Variants in DPF3 observed in about 807,000 individuals in gnomAD.
DPF3 encodes the protein double PHD fingers 3.
DPF3 carries 18 observed loss-of-function variants against 56.8 expected under a neutral mutation model. The ratio of observed to expected loss-of-function variants is 0.32; its 90% CI spans 0.22 to 0.47. DPF3 has a LOEUF of 0.47. Among genes scored for constraint, DPF3 ranks in the 20% least tolerant of loss-of-function variants. DPF3 has a pLI of 1.00. For missense variants in DPF3, 403 were observed against 488.8 expected, an observed-to-expected ratio of 0.82 and a Z score of 1.65; for synonymous variants, 188 against 180.2, an observed-to-expected ratio of 1.04 and a Z score of -0.35.
intron 8 of DPF3, among the ~76,000 whole-genome samples, chr14:72,650,746 GA>G (rs1885884350): frequency 6.6e-6 from 1 of 152,162 alleles, no homozygotes; most frequent in Non-Finnish European, 1.5e-5. Flanking sequence ...TAGGGGGTCA[GA>G]AGGAGTCACA....
chr14:72,817,586 A>G (rs1354861646), intron 1 of DPF3, among the ~76,000 whole-genome samples: 1 of 152,212 alleles, frequency 6.6e-6, no homozygotes, highest in East Asian at 1.9e-4. Flanking sequence ...AGGCAGGAGA[A>G]TTGCTTGAAC....
At chr14:72,793,612 A>C (rs1167152505) in intron 1 of DPF3, among the ~76,000 whole-genome samples, 1 of 152,180 alleles carries the variant, frequency 6.6e-6, no homozygotes, top group Non-Finnish European at 1.5e-5. Context: ...ACAAGCCGGC[A>C]TCCAACATCC....
At chr14:72,824,061 GA>G (rs1312075741) in intron 1 of DPF3, among the ~76,000 whole-genome samples, 1 of 152,138 alleles carries the variant, frequency 6.6e-6, no homozygotes, top group Non-Finnish European at 1.5e-5. Flanking sequence ...GAGAGGCAAA[GA>G]AATATCTTCT....
rs1259512020 is a variant in DPF3 at position 72,767,332 on chromosome 14, AC to A, written c.193+4400del. On this transcript the variant is annotated intron_variant, in intron 2 of 10. Transcript: ENST00000556509. The stretch of plus-strand genomic sequence containing the variant: ...AGACACAGACACCAACAAGAAAATA[AC>A]AAAAATGTTAGAATTATCTGACAAG... 3.3e-5 allele frequency among the ~76,000 whole-genome samples: 5 copies of A among 152,380 alleles called. No homozygotes were observed. In the East Asian group the frequency reaches 9.6e-4, roughly 29 times the overall value.
intron 1 of DPF3, among the ~76,000 whole-genome samples, chr14:72,871,286 T>A (rs1328185516): frequency 2.0e-5 from 3 of 152,204 alleles, no homozygotes; most frequent in Non-Finnish European, 4.4e-5. Context: ...TGTCCTCACA[T>A]TTCAAAACCA....
At chr14:72,787,653 C>T (rs1046870523) in intron 1 of DPF3, among the ~76,000 whole-genome samples, 1 of 152,196 alleles carries the variant, frequency 6.6e-6, no homozygotes, top group Admixed American at 6.5e-5. Flanking sequence ...ACACTTTTCC[C>T]TCTCAAAAGC....
At chr14:72,815,951 G>A (rs1883263485) in intron 1 of DPF3, among the ~76,000 whole-genome samples, 1 of 152,164 alleles carries the variant, frequency 6.6e-6, no homozygotes, top group Non-Finnish European at 1.5e-5. Flanking sequence ...AGCAAGTATG[G>A]GAAACATATA....
intron 7 of DPF3, among the ~76,000 whole-genome samples, chr14:72,676,391 A>G (rs1869579132): frequency 6.6e-6 from 1 of 152,206 alleles, no homozygotes; most frequent in Admixed American, 6.5e-5. Context: ...CCCATTCACA[A>G]GATCTTTAAG....
intron 6 of DPF3, among the ~76,000 whole-genome samples, chr14:72,702,346 G>A (rs767165786): frequency 1.5e-4 from 23 of 152,104 alleles, no homozygotes; most frequent in Non-Finnish European, 2.6e-4. Context: ...CTGTATAGGG[G>A]CCCACCTCCA....
chr14:72,767,734 A>G (rs1891345239), intron 2 of DPF3, among the ~76,000 whole-genome samples: 1 of 137,060 alleles, frequency 7.3e-6, no homozygotes, highest in Non-Finnish European at 1.6e-5. Flanking sequence ...TCAAAGAAAT[A>G]ATGGCTGAAA....
At chr14:72,674,055 C>T in intron 8 of DPF3, 185 bp downstream of exon 8, 1 of 860,592 alleles carries the variant, frequency 1.2e-6, no homozygotes. Context: ...GATCCTAGGG[C>T]ATAACTTTTG....
chr14:72,757,067 GAGGA>G lies in DPF3; in HGVS notation c.194-3700_194-3697del, dbSNP rs112770433. Among the ~76,000 whole-genome samples the G allele has an allele frequency of 8.3e-3, 950 of 115,070 alleles. 19 individuals are homozygous for G. The highest frequency in any genetic ancestry group is 0.033 in the African/African-American group (867 of 26,622). The allele number at this position is 115,070 out of a possible 152,430, so 75.5% of individuals were successfully genotyped here. ...AGGGACAGAGGGGGAGAAAGGGGGA[GAGGA>G]AGGAAGGAAGGAAGGAAGGGAGGAA... On this transcript the variant is annotated intron_variant, in intron 2 of 10. Transcript: ENST00000556509.
At chr14:72,858,814 C>T (rs1440367503) in intron 1 of DPF3, among the ~76,000 whole-genome samples, 2 of 152,142 alleles carry the variant, frequency 1.3e-5, no homozygotes, top group East Asian at 1.9e-4. Context: ...AAATTATGTT[C>T]GTCCAATGGA....
At chr14:72,723,373 C>T (rs1399154267) in intron 5 of DPF3, among the ~76,000 whole-genome samples, 1 of 152,148 alleles carries the variant, frequency 6.6e-6, no homozygotes, top group African/African-American at 2.4e-5. Context: ...CCACCCTCAC[C>T]CTGATCCCAC....
At chr14:72,685,857 G>C (rs1003340777) in intron 7 of DPF3, among the ~76,000 whole-genome samples, 3 of 152,222 alleles carry the variant, frequency 2.0e-5, no homozygotes, top group Admixed American at 6.5e-5. Context: ...TTCAGAGACA[G>C]CCAAGAGACA....
chr14:72,877,122 G>T (rs969054988), intron 1 of DPF3, among the ~76,000 whole-genome samples: 1 of 152,236 alleles, frequency 6.6e-6, no homozygotes, highest in Admixed American at 6.5e-5. Flanking sequence ...GGCTGGAGGT[G>T]CAAACTCAGG....
intron 1 of DPF3, among the ~76,000 whole-genome samples, chr14:72,835,798 T>C (rs967456937): frequency 2.0e-5 from 3 of 152,158 alleles, no homozygotes; most frequent in African/African-American, 7.2e-5. Flanking sequence ...AACTATGACT[T>C]GACCCGCAGC....
At position 72,680,054 on chromosome 14, in the gene DPF3, C is replaced by T. The variant is rs916670488; in HGVS notation, c.743-5686G>A. On this transcript the variant is annotated intron_variant, in intron 7 of 10. Coordinates refer to ENST00000556509, the MANE Select transcript of DPF3 (RefSeq NM_001280542.3). ...GGAGAGGCGGGCTGGGGAGACAAGG[C>T]GCCTGCGAGGAGCTCCGGCAGGCCC... Among the ~76,000 whole-genome samples the T allele has an allele frequency of 5.9e-5, 9 of 152,188 alleles. 1 individual carries two copies. Among genetic ancestry groups the T allele is most frequent in the East Asian group, 3.9e-4 (2 of 5,164 alleles).
chr14:72,724,318 T>C (rs1889304496), intron 4 of DPF3, among the ~76,000 whole-genome samples: 1 of 151,898 alleles, frequency 6.6e-6, no homozygotes, highest in Non-Finnish European at 1.5e-5. Context: ...AAATTATCTC[T>C]CTCCAGCAGC....
Sources: gnomAD v4.1 joint callset for allele counts (sites outside exome capture counted in the v4.1 genomes callset) on GRCh38, gnomAD v4.1.1 for gene constraint, MANE v1.5 for transcripts, NCBI Gene and HGNC (gene_info 2026-07-23, HGNC 2026-07-21) for gene names.